Variants in PPT2 observed in about 807,000 individuals in gnomAD.
PPT2 encodes palmitoyl-protein thioesterase 2.
A neutral mutation model predicts 37.3 loss-of-function variants in PPT2; 20 were observed. That is an observed-to-expected ratio of 0.54 (90% CI 0.38 to 0.78). The LOEUF (loss-of-function observed/expected upper bound fraction) is 0.78. PPT2 is among the 30% of genes least tolerant of loss of function. The pLI is 0.00. For missense variants in PPT2, 270 were observed against 389.8 expected, an observed-to-expected ratio of 0.69 and a Z score of 2.59; for synonymous variants, 135 against 159.1, an observed-to-expected ratio of 0.85 and a Z score of 1.14.
Position 32,155,131 on chromosome 6 carries a change from C to T in PPT2, c.285C>T (p.Val95=), listed in dbSNP as rs369258442. Residue 95 remains valine, a synonymous_variant, in exon 3 of 9, where the codon GTC becomes GTT. Transcript: ENST00000324816. This position sits in a 1 kb window ranked among gnomAD's most constrained non-coding sequence, Gnocchi z 4.3. ...EQVQGFREAV[V]PIMAKAPQGV... Reference sequence around the variant, plus strand: ...TGCAAGGGTTCCGAGAGGCTGTGGTCCCCATCATGGCAAAGGCCCCTCAAG... The same window carrying T: ...TGCAAGGGTTCCGAGAGGCTGTGGTTCCCATCATGGCAAAGGCCCCTCAAG... 13 of 1,612,974 alleles carry T rather than the reference C, an allele frequency of 8.1e-6. No individual in the cohort carries two copies. In the African/African-American group the frequency reaches 1.6e-4, roughly 20 times the overall value.
intron 7 of PPT2, among the ~76,000 whole-genome samples, chr6:32,161,435 G>A (rs537306617): frequency 2.0e-5 from 3 of 151,986 alleles, no homozygotes; most frequent in East Asian, 1.9e-4. Flanking sequence ...GATTATAGGC[G>A]CCCACCACCA....
rs1029205048 is a variant in PPT2, at chr6:32,156,760, A to C, written c.541+782A>C. 6.6e-6 allele frequency among the ~76,000 whole-genome samples: 1 copy of C among 152,108 alleles called. No homozygotes were observed. Among genetic ancestry groups the C allele is most frequent in the African/African-American group, 2.4e-5 (1 of 41,418 alleles). The stretch of plus-strand genomic sequence containing the variant: ...GGGCAAGTTACTTAACCATTCTGTT[A>C]CTCAGTTTTCCTTATCTGTAAAATA... On this transcript the variant is annotated intron_variant, in intron 5 of 8. Coordinates refer to ENST00000324816, the MANE Select transcript of PPT2 (RefSeq NM_005155.7). This position sits in a 1 kb window ranked among gnomAD's most constrained non-coding sequence, Gnocchi z 4.9.
intron 7 of PPT2, among the ~76,000 whole-genome samples, chr6:32,159,451 A>AAAAAAAAAAAAAAAAAT (rs1290087556): frequency 8.7e-6 from 1 of 115,116 alleles, no homozygotes; most frequent in Non-Finnish European, 1.7e-5. Context: ...AAAAAAAAAA[A>AAAAAAAAAAAAAAAAAT]ATATATATAT....
At chr6:32,158,247 C>G in intron 7 of PPT2, 1 of 300,714 alleles carries the variant, frequency 3.3e-6, no homozygotes, top group East Asian at 5.7e-5. Flanking sequence ...CCAGCTTCCC[C>G]CAGTGGTTGC....
Position 32,155,331 on chromosome 6 carries a change from C to A in PPT2, c.337+148C>A. 1.1e-6 allele frequency: 1 copy of A among 937,314 alleles called. No homozygotes were observed. Among genetic ancestry groups the A allele is most frequent in the Non-Finnish European group, 1.6e-6 (1 of 627,138 alleles). 58.1% of individuals were successfully genotyped at this position (937,314 alleles called of 1,614,324 possible). ...GCCCTTCCTTTCTGACTTCCCTCAG[C>A]ACCTGGGTCTCATCTCTGTCTTGAA... On this transcript the variant is annotated intron_variant, in intron 3 of 8. Coordinates refer to ENST00000324816, the MANE Select transcript of PPT2 (RefSeq NM_005155.7). This position sits in a 1 kb window ranked among gnomAD's most constrained non-coding sequence, Gnocchi z 4.3.
chr6:32,154,996 T>C lies in PPT2; in HGVS notation c.184-34T>C. The C allele has an allele frequency of 6.2e-7, 1 of 1,611,432 alleles. No homozygotes were observed. Among genetic ancestry groups the C allele is most frequent in the Non-Finnish European group, 8.5e-7 (1 of 1,179,776 alleles). On this transcript the variant is annotated intron_variant, in intron 2 of 8. Transcript: ENST00000324816. The surrounding 1 kb of genome is among the most constrained non-coding windows in gnomAD (Gnocchi z 7.3). ...GGTGGCGTGTGGGAGCTTCTTAGCC[T>C]ATCCCCGGTGGCTGCATTGCCCCCT... is the stretch of plus-strand genomic sequence containing the variant.
At chr6:32,161,858 A>G (rs1713700694) in intron 7 of PPT2, among the ~76,000 whole-genome samples, 1 of 152,164 alleles carries the variant, frequency 6.6e-6, no homozygotes, top group Non-Finnish European at 1.5e-5. Context: ...TGCTGGGATT[A>G]CAGGCTTGAG....
rs1783883074 is a variant in PPT2, at chr6:32,157,653, C to T, written c.558C>T (p.Asp186=). The stretch of plus-strand genomic sequence containing the variant: ...TGTACCCAGATCCCCACCACGATGA[C>T]TTGTACCTCAATGCCAGCAGCTTCC... ...CNYWHDPHHD[D]LYLNASSFLA... is the part of the protein sequence containing the mutation. The change falls in exon 6 of 9, where the codon GAC becomes GAT. Residue 186 remains aspartate (D), a synonymous_variant. Transcript: ENST00000324816. The T allele has an allele frequency of 6.3e-7, 1 of 1,599,702 alleles. No individual in the cohort carries two copies. Among genetic ancestry groups the T allele is most frequent in the African/African-American group, 1.3e-5 (1 of 74,576 alleles).
upstream of PPT2, chr6:32,154,043 G>T (rs904150300): frequency 2.6e-6 from 3 of 1,147,934 alleles, no homozygotes; most frequent in African/African-American, 4.9e-5. The surrounding 1 kb of genome is among the most constrained non-coding windows in gnomAD (Gnocchi z 7.3). Flanking sequence ...CCTGTCCTGG[G>T]TCTGTGTTGC....
upstream of PPT2, chr6:32,153,536 G>A (rs1783490656): frequency 6.8e-7 from 1 of 1,469,702 alleles, no homozygotes; most frequent in East Asian, 2.5e-5. The surrounding 1 kb of genome is among the most constrained non-coding windows in gnomAD (Gnocchi z 4.4). Flanking sequence ...GTAGAGTAGG[G>A]CAGGAGAAAC....
At position 32,157,894 on chromosome 6, in the gene PPT2, A is replaced by T; in HGVS notation, c.680A>T (p.Asp227Val). ...VGHLVLIGGP[D>V]DGVITPWQSS... ...CACCTGGTGCTGATTGGGGGCCCTG[A>T]TGATGGTGTTATTACTCCCTGGCAG... The change falls in exon 7 of 9, where the codon GAT (aspartate) becomes GTT (valine). Residue 227 changes from aspartate (D) to valine (V), a missense_variant. Coordinates refer to ENST00000324816, the MANE Select transcript of PPT2 (RefSeq NM_005155.7). 1.9e-6 allele frequency: 3 copies of T among 1,612,582 alleles called. No homozygotes were observed. The highest frequency in any genetic ancestry group is 2.5e-6 in the Non-Finnish European group (3 of 1,179,668).
chr6:32,155,814 C>G lies in PPT2; in HGVS notation c.433+31C>G. ...TGGGCACTAGACTCCATAGAATGCC[C>G]TGAGTTTTGGGGGAACAGAGGTTTA... On this transcript the variant is annotated intron_variant, in intron 4 of 8. Coordinates refer to ENST00000324816, the MANE Select transcript of PPT2 (RefSeq NM_005155.7). The surrounding 1 kb of genome is among the most constrained non-coding windows in gnomAD (Gnocchi z 4.3). 6.2e-7 allele frequency: 1 copy of G among 1,611,644 alleles called. No homozygotes were observed. Among genetic ancestry groups the G allele is most frequent in the Non-Finnish European group, 8.5e-7 (1 of 1,177,754 alleles).
Position 32,155,627 on chromosome 6 carries a change from G to C in PPT2, c.338-61G>C. Reference sequence around the variant, plus strand: ...GTGTGTGTGTGTGTGTGGTGGGGGTGGGGGGTGCTGCTGGCTTTGCTGTCC... The same window carrying C: ...GTGTGTGTGTGTGTGTGGTGGGGGTCGGGGGTGCTGCTGGCTTTGCTGTCC... On this transcript the variant is annotated intron_variant, in intron 3 of 8. Transcript: ENST00000324816. This position sits in a 1 kb window ranked among gnomAD's most constrained non-coding sequence, Gnocchi z 4.3. 2 of 1,124,836 alleles carry C rather than the reference G, an allele frequency of 1.8e-6. No individual in the cohort carries two copies. 69.7% of individuals were successfully genotyped at this position (1,124,836 alleles called of 1,614,324 possible).
intron 5 of PPT2, 197 bp from the exon 6 acceptor site, chr6:32,157,440 C>T (rs1012768571): frequency 9.2e-5 from 55 of 600,784 alleles, no homozygotes; most frequent in African/African-American, 8.3e-4. Context: ...CTCAAACTCC[C>T]GACTTCAAGT....
In PPT2 at chr6:32,155,752, C is replaced by T; in HGVS notation, c.402C>T (p.Ser134=). The change falls in exon 4 of 9, where the codon TCC becomes TCT. Residue 134 remains serine (S), a synonymous_variant. Transcript: ENST00000324816. This position sits in a 1 kb window ranked among gnomAD's most constrained non-coding sequence, Gnocchi z 4.3. The part of the protein sequence containing the change: ...MDDHNVDSFI[S]LSSPQMGQYG... ...ATCACAACGTGGATTCTTTCATCTC[C>T]CTCTCCTCTCCACAGATGGGACAGT... The T allele has an allele frequency of 1.9e-6, 3 of 1,614,040 alleles. No homozygotes were observed. Among genetic ancestry groups the T allele is most frequent in the Non-Finnish European group, 1.7e-6 (2 of 1,179,982 alleles).
chr6:32,157,671 C>T lies in PPT2; in HGVS notation c.576C>T (p.Ser192=). The change falls in exon 6 of 9, where the codon AGC becomes AGT. Residue 192 remains serine (S), a synonymous_variant. Coordinates refer to ENST00000324816, the MANE Select transcript of PPT2 (RefSeq NM_005155.7). The part of the protein sequence containing the change: ...PHHDDLYLNA[S]SFLALINGER... ...ACGATGACTTGTACCTCAATGCCAG[C>T]AGCTTCCTGGCCCTGATCAATGGGG... The T allele has an allele frequency of 1.2e-6, 2 of 1,604,796 alleles. No individual in the cohort carries two copies. The highest frequency in any genetic ancestry group is 1.7e-6 in the Non-Finnish European group (2 of 1,172,276).
Position 32,154,149 on chromosome 6 carries a change from C to A in PPT2, c.-264C>A. Reference sequence around the variant, plus strand: ...CCTTCCCCCTCCCATCCGTCATTCCCCTGCGCTCTCTTTCCTCACCCTTCC... The same window carrying A: ...CCTTCCCCCTCCCATCCGTCATTCCACTGCGCTCTCTTTCCTCACCCTTCC... On this transcript the variant is annotated 5_prime_UTR_variant, in exon 1 of 9. Transcript: ENST00000324816. The surrounding 1 kb of genome is among the most constrained non-coding windows in gnomAD (Gnocchi z 7.3). 1.8e-6 allele frequency: 2 copies of A among 1,096,488 alleles called. No homozygotes were observed. The highest frequency in any genetic ancestry group is 2.2e-6 in the Non-Finnish European group (2 of 899,700). 67.9% of individuals were successfully genotyped at this position (1,096,488 alleles called of 1,614,324 possible). A position where few individuals can be genotyped will look rare whatever the true frequency, so the allele number is the denominator to read the frequency against.
intron 7 of PPT2, among the ~76,000 whole-genome samples, chr6:32,161,163 T>A (rs1784131069): frequency 6.6e-6 from 1 of 152,128 alleles, no homozygotes; most frequent in Non-Finnish European, 1.5e-5. Flanking sequence ...AGATTCAAAT[T>A]TTCCTGAATA....
At chr6:32,153,914 CCTT>C (rs1783529953), upstream of PPT2, 1 of 1,331,000 alleles carries the variant, frequency 7.5e-7, no homozygotes, top group Non-Finnish European at 9.8e-7. The surrounding 1 kb of genome is among the most constrained non-coding windows in gnomAD (Gnocchi z 4.4). Flanking sequence ...CCTGGAGAGG[CCTT>C]CTTTCCATTC....
Sources: allele counts gnomAD v4.1 joint callset (sites outside exome capture counted in the v4.1 genomes callset), GRCh38; gene constraint gnomAD v4.1.1; non-coding constraint Gnocchi (gnomAD v3.1); transcripts MANE v1.5; gene names NCBI Gene and HGNC (gene_info 2026-07-23, HGNC 2026-07-21).